The following VIPR1 variants were observed in gnomAD, a reference collection of about 807,000 sequenced individuals.
VIPR1 encodes vasoactive intestinal peptide receptor 1, also known as vasoactive intestinal polypeptide receptor 1.
In VIPR1, 59 loss-of-function variants were observed where a neutral mutation model predicts 58.8. That is an observed-to-expected ratio of 1.00 (90% confidence interval 0.81 to 1.25). The LOEUF (loss-of-function observed/expected upper bound fraction) is 1.25. Ranked by LOEUF, VIPR1 falls within the 50% of genes most tolerant of loss-of-function variation. The probability of loss-of-function intolerance (pLI) is 0.00; values close to 1 mark genes in which losing one functional copy is unlikely to be tolerated. For missense variants in VIPR1, 626 were observed against 602.7 expected, an observed-to-expected ratio of 1.04 and a Z score of -0.40; for synonymous variants, 251 against 242.1, an observed-to-expected ratio of 1.04 and a Z score of -0.34.
rs1399022574 is a variant in VIPR1 at position 42,536,993 on chromosome 3, A to C, written c.*712A>C. 1 of 152,224 alleles carries C rather than the reference A, an allele frequency of 6.6e-6. No homozygotes were observed. Among genetic ancestry groups the C allele is most frequent in the Admixed American group, 6.5e-5 (1 of 15,286 alleles). 9.4% of individuals were successfully genotyped at this position (152,224 alleles called of 1,614,324 possible). On this transcript the variant is annotated 3_prime_UTR_variant, in exon 13 of 13. Transcript: ENST00000325123. ...TGAAGCCTCTGGGAAATGAGAAGGC[A>C]GCCACCAGCGAATGCTAGGTCTCGG...
intron 3 of VIPR1, among the ~76,000 whole-genome samples, chr3:42,522,604 TGGGATGGGACACCACGGCA>T (rs1344704514): frequency 6.6e-6 from 1 of 152,078 alleles, no homozygotes; most frequent in Non-Finnish European, 1.5e-5. Context: ...ACTTGCTGGC[TGGGATGGGACACCACGGCA>T]GGGAATCAGC....
chr3:42,527,800 C>G, intron 5 of VIPR1, 191 bp from the exon 6 acceptor site: 1 of 821,702 alleles, frequency 1.2e-6, no homozygotes, highest in South Asian at 1.7e-5. Context: ...CTTGGGAGCC[C>G]AGTTGCACAG....
At chr3:42,501,277 C>G (rs761458563), upstream of VIPR1, among the ~76,000 whole-genome samples, 26 of 152,066 alleles carry the variant, frequency 1.7e-4, no homozygotes, top group Non-Finnish European at 3.5e-4. This position sits in a 1 kb window ranked among gnomAD's most constrained non-coding sequence, Gnocchi z 4.8. Flanking sequence ...AGCATCCCAA[C>G]GTTCCCTCTC....
rs1171728209 is a variant in VIPR1 at position 42,536,420 on chromosome 3, T to C, written c.*139T>C. 1 of 914,184 alleles carries C rather than the reference T, an allele frequency of 1.1e-6. No individual in the cohort carries two copies. Among genetic ancestry groups the C allele is most frequent in the African/African-American group, 1.8e-5 (1 of 57,034 alleles). 56.6% of individuals were successfully genotyped at this position (914,184 alleles called of 1,614,324 possible). On this transcript the variant is annotated 3_prime_UTR_variant, in exon 13 of 13. Coordinates refer to ENST00000325123, the MANE Select transcript of VIPR1 (RefSeq NM_004624.4). ...AGGCTGCCCCCGGCCCCCTGGTCTC[T>C]GGTCCGGACACTCCTAGAGAACGCA... is the stretch of plus-strand genomic sequence containing the variant.
In VIPR1 at chr3:42,532,306, T is replaced by C; in HGVS notation, c.983T>C (p.Ile328Thr). ...ILLQKLRPPD[I>T]RKSDSSPYSR... ...CTTCAGAAACTGCGGCCCCCAGATA[T>C]CAGGAAGAGTGACAGCAGTCCATAC... Residue 328 changes from isoleucine to threonine, a missense_variant, in exon 10 of 13, where the codon ATC becomes ACC. Physicochemically the swap from Ile to Thr is moderately conservative, Grantham distance 89. Coordinates refer to ENST00000325123, the MANE Select transcript of VIPR1 (RefSeq NM_004624.4). 6.2e-7 allele frequency: 1 copy of C among 1,614,100 alleles called. No individual in the cohort carries two copies. The highest frequency in any genetic ancestry group is 8.5e-7 in the Non-Finnish European group (1 of 1,180,016).
At chr3:42,530,489 A>G in intron 6 of VIPR1, 1 of 345,182 alleles carries the variant, frequency 2.9e-6, no homozygotes, top group Non-Finnish European at 5.4e-6. Flanking sequence ...ATACATGGAT[A>G]GGTGGGTAGA....
At chr3:42,529,762 G>T (rs919143452) in intron 6 of VIPR1, 1 of 152,124 alleles carries the variant, frequency 6.6e-6, no homozygotes, top group African/African-American at 2.4e-5. Context: ...CTGAAATGGG[G>T]GACTTTCTGG....
chr3:42,496,136 C>T (rs1353284771), intron 1 of VIPR1, among the ~76,000 whole-genome samples: 1 of 152,076 alleles, frequency 6.6e-6, no homozygotes, highest in African/African-American at 2.4e-5. Context: ...ACTCGGGAGG[C>T]TGAAGCAGGA....
rs111610459 is a variant in VIPR1, at chr3:42,514,541, C to CCACACACACACACA, written c.184+706_184+719dup. On this transcript the variant is annotated intron_variant, in intron 2 of 12. Coordinates refer to ENST00000325123, the MANE Select transcript of VIPR1 (RefSeq NM_004624.4). The stretch of plus-strand genomic sequence containing the variant: ...TACATCCAGAGGACCGATAGTGACA[C>CCACACACACACACA]CACACACACACACACACACACACAC... Among the ~76,000 whole-genome samples the CCACACACACACACA allele has an allele frequency of 7.6e-3, 1,102 of 144,140 alleles. 9 individuals are homozygous for CCACACACACACACA. Among genetic ancestry groups the CCACACACACACACA allele is most frequent in the African/African-American group, 0.02 (757 of 38,526 alleles). The allele number at this position is 144,140 out of a possible 152,430, so 94.6% of individuals were successfully genotyped here.
chr3:42,522,342 T>C (rs1700991678), intron 3 of VIPR1, among the ~76,000 whole-genome samples: 1 of 150,866 alleles, frequency 6.6e-6, no homozygotes, highest in East Asian at 2.0e-4. Context: ...CTCCTGACCT[T>C]GTGATCCACC....
At chr3:42,508,305 C>G (rs13321590) in intron 1 of VIPR1, among the ~76,000 whole-genome samples, 9,031 of 152,146 alleles carry the variant, frequency 0.059, 885 homozygotes, top group African/African-American at 0.21. Context: ...GTTATTGTCC[C>G]CATTTTATAG....
At chr3:42,524,307 A>G (rs1056329833) in intron 3 of VIPR1, among the ~76,000 whole-genome samples, 2 of 152,212 alleles carry the variant, frequency 1.3e-5, no homozygotes, top group African/African-American at 4.8e-5. Flanking sequence ...AATGATGGGA[A>G]GCTGAGAGGG....
At chr3:42,535,443 A>G in intron 12 of VIPR1, 59 bp downstream of exon 12, 1 of 1,576,872 alleles carries the variant, frequency 6.3e-7, no homozygotes, top group Admixed American at 1.7e-5. Flanking sequence ...CAGGGTCCGG[A>G]AACATTGGTG....
At chr3:42,493,944 G>C (rs1246888427) in intron 1 of VIPR1, among the ~76,000 whole-genome samples, 1 of 152,202 alleles carries the variant, frequency 6.6e-6, no homozygotes, top group Non-Finnish European at 1.5e-5. Context: ...CTCTCCTCCA[G>C]TCTCAACTCC....
At chr3:42,531,112 TC>T in intron 7 of VIPR1, 180 bp downstream of exon 7, 1 of 806,266 alleles carries the variant, frequency 1.2e-6, no homozygotes, top group Non-Finnish European at 1.9e-6. Context: ...CCAGGACAAG[TC>T]CCTCAGGTTG....
intron 1 of VIPR1, among the ~76,000 whole-genome samples, chr3:42,490,228 G>A (rs1699641725): frequency 6.6e-6 from 1 of 152,222 alleles, no homozygotes; most frequent in Non-Finnish European, 1.5e-5. Flanking sequence ...GAAAGTTAGG[G>A]TCACCACAAA....
chr3:42,536,356 G>A lies in VIPR1; in HGVS notation c.*75G>A, dbSNP rs1375785287. Reference sequence around the variant, plus strand: ...CACCCCGGCAGACGCCGGGGACAGAGGCCTGCCCGGGCGCGGCCAGCCCCG... The same window carrying A: ...CACCCCGGCAGACGCCGGGGACAGAAGCCTGCCCGGGCGCGGCCAGCCCCG... On this transcript the variant is annotated 3_prime_UTR_variant, in exon 13 of 13. Transcript: ENST00000325123. 2.8e-6 allele frequency: 4 copies of A among 1,419,004 alleles called. No individual in the cohort carries two copies. The highest frequency in any genetic ancestry group is 3.7e-6 in the Non-Finnish European group (4 of 1,088,968). 87.9% of individuals were successfully genotyped at this position (1,419,004 alleles called of 1,614,324 possible). A position where few individuals can be genotyped will look rare whatever the true frequency, so the allele number is the denominator to read the frequency against.
upstream of VIPR1, chr3:42,500,467 T>A (rs1699846252): frequency 6.6e-6 from 1 of 152,236 alleles, no homozygotes; most frequent in Non-Finnish European, 1.5e-5. Context: ...CCTGGGGGCA[T>A]GACACATTAA....
In VIPR1 at chr3:42,507,955, G is replaced by GTAAAAAA. The variant is rs1700191845; in HGVS notation, c.78+5142_78+5143insTAAAAAA. On this transcript the variant is annotated intron_variant, in intron 1 of 12. Coordinates refer to ENST00000325123, the MANE Select transcript of VIPR1 (RefSeq NM_004624.4). ...CCTTCCCCAAGAGGAAGTGAGGCTGGCAAAAAAAAAAAAAAAAAAGAATTT... is the reference window on the plus strand; with the variant it reads ...CCTTCCCCAAGAGGAAGTGAGGCTGGTAAAAAACAAAAAAAAAAAAAAAAAAGAATTT... 3 of 28,500 alleles carry GTAAAAAA rather than the reference G, an allele frequency of 1.1e-4. No individual in the cohort carries two copies. In the South Asian group the frequency reaches 5.2e-3, roughly 50 times the overall value. The allele number at this position is 28,500 out of a possible 1,614,324, so 1.8% of individuals were successfully genotyped here. A position where few individuals can be genotyped will look rare whatever the true frequency, so the allele number is the denominator to read the frequency against.
Sources: gnomAD v4.1 joint callset for allele counts (sites outside exome capture counted in the v4.1 genomes callset) on GRCh38, gnomAD v4.1.1 for gene constraint, Gnocchi (gnomAD v3.1) non-coding constraint, MANE v1.5 for transcripts, NCBI Gene and HGNC (gene_info 2026-07-23, HGNC 2026-07-21) for gene names.